KIFBP: variants seen among roughly 807,000 people sequenced by gnomAD.
KIFBP encodes the protein kinesin family binding protein.
Under a neutral mutation model 58.9 loss-of-function variants are expected in KIFBP, and 46 were observed. The ratio of observed to expected loss-of-function variants is 0.78; its 90% CI spans 0.62 to 1.00. The LOEUF (loss-of-function observed/expected upper bound fraction) is 1.00, where lower values mean the gene tolerates loss of function less well. Ranked by LOEUF, KIFBP falls within the 50% of genes least tolerant of loss-of-function variation. KIFBP has a pLI of 0.00. For synonymous variants in KIFBP, 241 were observed against 283.4 expected (o/e 0.85, Z 1.50); for missense variants, 651 against 752.9 (o/e 0.86, Z 1.58).
At chr10:69,000,008 G>GCAC (rs1843447511) in intron 1 of KIFBP, among the ~76,000 whole-genome samples, 1 of 141,568 alleles carries the variant, frequency 7.1e-6, no homozygotes, top group African/African-American at 2.7e-5. Flanking sequence ...CCATGCCACT[G>GCAC]CACTCCATCC....
chr10:69,004,174 C>T (rs570760927), intron 2 of KIFBP, among the ~76,000 whole-genome samples: 81 of 145,898 alleles, frequency 5.6e-4, no homozygotes, highest in African/African-American at 1.7e-3. Flanking sequence ...GAGCCGAGAT[C>T]GCACCACTGC....
intron 1 of KIFBP, chr10:68,989,914 G>C (rs1260635058): frequency 6.6e-6 from 1 of 152,288 alleles, no homozygotes; most frequent in Non-Finnish European, 1.5e-5. Flanking sequence ...GCCCAGGCTG[G>C]TCTTGAACTC....
chr10:69,009,318 C>T (rs1843568038), intron 5 of KIFBP, among the ~76,000 whole-genome samples: 1 of 151,730 alleles, frequency 6.6e-6, no homozygotes, highest in Non-Finnish European at 1.5e-5. Flanking sequence ...CATAGTGAGA[C>T]CCCATCTCTA....
chr10:69,015,712 G>A lies in KIFBP; in HGVS notation c.1162G>A (p.Asp388Asn). The change falls in exon 7 of 7, where the codon GAT becomes AAT. Residue 388 changes from aspartate (D) to asparagine (N), a missense_variant. Asp to Asn is a conservative substitution (Grantham distance 23). Transcript: ENST00000361983. ...GAAAGTGAGCTACTTGAGACCTTTA[G>A]ATTTTGAAGAAGCCAGAGAACTTTT... is the stretch of plus-strand genomic sequence containing the variant. ...EEKVSYLRPLDFEEARELFLL... is the reference protein window; with the variant it reads ...EEKVSYLRPLNFEEARELFLL... The A allele has an allele frequency of 6.2e-7, 1 of 1,614,210 alleles. No homozygotes were observed. Among genetic ancestry groups the A allele is most frequent in the East Asian group, 2.2e-5 (1 of 44,886 alleles).
intron 6 of KIFBP, among the ~76,000 whole-genome samples, chr10:69,012,305 G>A (rs189474553): frequency 1.9e-4 from 29 of 152,086 alleles, no homozygotes; most frequent in Non-Finnish European, 3.7e-4. Flanking sequence ...TTAAGGCCTC[G>A]GAAAAGTGCC....
rs368379693 is a variant in KIFBP, at chr10:69,013,001, C to T, written c.990+1986C>T. ...GGAAACTTAGAATCATGGCGGAAGG[C>T]GAAAGAGAAGCAAGCATGTCTTACC... On this transcript the variant is annotated intron_variant, in intron 6 of 6. Coordinates refer to ENST00000361983, the MANE Select transcript of KIFBP (RefSeq NM_015634.4). Among the ~76,000 whole-genome samples the T allele has an allele frequency of 3.3e-5, 5 of 151,846 alleles. No homozygotes were observed. The East Asian group carries it at 7.8e-4, about 24-fold the overall frequency.
At chr10:69,008,541 A>T (rs993518217) in intron 4 of KIFBP, among the ~76,000 whole-genome samples, 4 of 151,188 alleles carry the variant, frequency 2.6e-5, no homozygotes, top group Admixed American at 6.6e-5. Context: ...CCATTCCTGT[A>T]TATCTATTGA....
intron 1 of KIFBP, among the ~76,000 whole-genome samples, chr10:68,996,199 T>C (rs1015061568): frequency 2.7e-5 from 4 of 150,872 alleles, no homozygotes; most frequent in African/African-American, 9.8e-5. Flanking sequence ...AAAATGTCAA[T>C]AGTGATTATC....
intron 6 of KIFBP, among the ~76,000 whole-genome samples, chr10:69,013,249 G>T (rs1223145451): frequency 6.6e-6 from 1 of 152,138 alleles, no homozygotes; most frequent in Non-Finnish European, 1.5e-5. Flanking sequence ...ATAGAACCTT[G>T]TGAAACTACT....
At chr10:68,994,187 G>A (rs75495301) in intron 1 of KIFBP, among the ~76,000 whole-genome samples, 1,977 of 138,886 alleles carry the variant, frequency 0.014, 24 homozygotes, top group Non-Finnish European at 0.022. Context: ...CCCTGTCTCA[G>A]AAAAAAAAAA....
intron 2 of KIFBP, among the ~76,000 whole-genome samples, chr10:69,000,956 G>A (rs1371924178): frequency 6.6e-6 from 1 of 152,164 alleles, no homozygotes; most frequent in African/African-American, 2.4e-5. Context: ...GCTCATGAAA[G>A]CACAGCAGAC....
At chr10:69,005,711 T>C (rs1843528061) in intron 3 of KIFBP, 21 bp from the exon 4 acceptor site, 1 of 1,550,022 alleles carries the variant, frequency 6.5e-7, no homozygotes, top group Non-Finnish European at 8.9e-7. Flanking sequence ...ACACAAATAT[T>C]GGTTTATTTT....
At chr10:68,989,961 A>C (rs1448091549) in intron 1 of KIFBP, 1 of 152,238 alleles carries the variant, frequency 6.6e-6, no homozygotes, top group Non-Finnish European at 1.5e-5. Flanking sequence ...ACCTTCTCAA[A>C]GTGCTGGGAT....
At chr10:68,998,771 A>ATATATATATATTT (rs1357079794) in intron 1 of KIFBP, among the ~76,000 whole-genome samples, 27 of 99,862 alleles carry the variant, frequency 2.7e-4, no homozygotes, top group African/African-American at 9.9e-4. Context: ...ATATATATAT[A>ATATATATATATTT]TTTTTTTTTT....
At chr10:68,996,707 G>A (rs1292574519) in intron 1 of KIFBP, among the ~76,000 whole-genome samples, 1 of 151,628 alleles carries the variant, frequency 6.6e-6, no homozygotes, top group Admixed American at 6.6e-5. Flanking sequence ...ACAAAAATTA[G>A]CCGGGCATGG....
intron 1 of KIFBP, among the ~76,000 whole-genome samples, chr10:68,995,545 A>C (rs907656009): frequency 1.1e-4 from 17 of 152,102 alleles, no homozygotes; most frequent in African/African-American, 4.1e-4. Flanking sequence ...GAATTCACTA[A>C]ATTTTTGTTT....
rs1317157194 is a variant in KIFBP at position 69,000,709 on chromosome 10, AT to A, written c.525+188del. Among the ~76,000 whole-genome samples, 3 of 152,254 alleles carry A rather than the reference AT, an allele frequency of 2.0e-5. No homozygotes were observed. In the East Asian group the frequency reaches 5.8e-4, roughly 29 times the overall value. On this transcript the variant is annotated intron_variant, in intron 2 of 6. Transcript: ENST00000361983. ...TTAAAGACTTCAGGGTTTTAAAAAA[AT>A]AATCCTTGTATAGGACATAATGGCC...
intron 6 of KIFBP, among the ~76,000 whole-genome samples, chr10:69,013,910 C>T (rs967323990): frequency 3.9e-5 from 6 of 152,032 alleles, no homozygotes; most frequent in South Asian, 2.1e-4. Flanking sequence ...CCACTGTGCC[C>T]GGCTAATTCT....
chr10:68,988,999 A>G lies in KIFBP; in HGVS notation c.167A>G (p.Asp56Gly). ...GCGCTGCTCGGCCCTGCGCCTGAGG[A>G]CGAGGATGAGCGGCCTGAGGCCGAG... Reference protein sequence around the residue: ...VKALLGPAPEDEDERPEAEDG... With the variant: ...VKALLGPAPEGEDERPEAEDG... Residue 56 changes from aspartate to glycine, a missense_variant, in exon 1 of 7, where the codon GAC becomes GGC. Coordinates refer to ENST00000361983, the MANE Select transcript of KIFBP (RefSeq NM_015634.4). 1.2e-6 allele frequency: 2 copies of G among 1,614,176 alleles called. No individual in the cohort carries two copies. The highest frequency in any genetic ancestry group is 1.7e-6 in the Non-Finnish European group (2 of 1,180,012).
Sources: allele counts gnomAD v4.1 joint callset (sites outside exome capture counted in the v4.1 genomes callset), GRCh38; gene constraint gnomAD v4.1.1; transcripts MANE v1.5; gene names NCBI Gene and HGNC (gene_info 2026-07-23, HGNC 2026-07-21).